Variants in NHS observed in about 807,000 individuals in gnomAD.
The protein encoded by NHS is actin remodeling regulator NHS.
Under a neutral mutation model 72.5 loss-of-function variants are expected in NHS, and 5 were observed. The ratio of observed to expected loss-of-function variants is 0.07; its 90% confidence interval spans 0.04 to 0.14. The LOEUF (loss-of-function observed/expected upper bound fraction) is 0.14, where lower values mean the gene tolerates loss of function less well. Among genes scored for constraint, NHS ranks in the 10% least tolerant of loss-of-function variants. The pLI, the probability that NHS is intolerant of heterozygous loss-of-function variation, is 1.00. For synonymous variants in NHS, 464 were observed against 547.7 expected, an observed-to-expected ratio of 0.85 and a Z score of 2.13; for missense variants, 1,072 against 1,355.7, an observed-to-expected ratio of 0.79 and a Z score of 3.29.
intron 1 of NHS, among the ~76,000 whole-genome samples, chrX:17,419,309 A>G (rs762358323): frequency 3.6e-5 from 4 of 112,481 alleles, no homozygotes; most frequent in African/African-American, 1.3e-4. Flanking sequence ...AAAATTCTCA[A>G]TTGAAACATT....
intron 1 of NHS, among the ~76,000 whole-genome samples, chrX:17,569,696 G>A (rs1023877719): frequency 9.0e-6 from 1 of 111,549 alleles, no homozygotes; most frequent in South Asian, 3.7e-4. Flanking sequence ...GTCAATTTTG[G>A]CTTTTGTTGC....
intron 1 of NHS, among the ~76,000 whole-genome samples, chrX:17,683,127 C>T (rs746360198): frequency 8.9e-6 from 1 of 112,355 alleles, no homozygotes; most frequent in Non-Finnish European, 1.9e-5. Flanking sequence ...GAACTAAGAT[C>T]AGTCTATAAA....
chrX:17,405,945 G>A (rs1270256844), intron 1 of NHS, among the ~76,000 whole-genome samples: 1 of 112,445 alleles, frequency 8.9e-6, no homozygotes, highest in Non-Finnish European at 1.9e-5. Context: ...AGTTCCCTAT[G>A]GGTGGAAGAG....
intron 1 of NHS, among the ~76,000 whole-genome samples, chrX:17,597,360 C>G (rs1437610186): frequency 2.8e-5 from 3 of 108,747 alleles, no homozygotes; most frequent in Non-Finnish European, 5.7e-5. Context: ...CTCCTGACCT[C>G]GTGATCCGCC....
chrX:17,727,286 A>G lies in NHS; in HGVS notation c.3180A>G (p.Lys1060=), dbSNP rs375497049. The G allele has an allele frequency of 5.0e-5, 60 of 1,210,197 alleles. No homozygotes were observed. Among genetic ancestry groups the G allele is most frequent in the Non-Finnish European group, 6.7e-5 (60 of 895,126 alleles). The change falls in exon 7 of 9, where the codon AAA becomes AAG. Residue 1060 remains lysine, a synonymous_variant. Coordinates refer to ENST00000676302, the MANE Select transcript of NHS (RefSeq NM_001291867.2). ...SKRKPKVPER[K]SSLQQPSLKD... ...GAAAACCTAAAGTCCCAGAAAGAAA[A>G]TCCTCACTACAGCAACCCTCTTTAA...
chrX:17,408,055 G>T (rs768160567), intron 1 of NHS, among the ~76,000 whole-genome samples: 3 of 111,242 alleles, frequency 2.7e-5, no homozygotes, highest in Non-Finnish European at 3.8e-5. Flanking sequence ...TGTCACCCAG[G>T]CTGGAGTACA....
chrX:17,712,452 A>G (rs2066340879), intron 3 of NHS, among the ~76,000 whole-genome samples: 1 of 102,754 alleles, frequency 9.7e-6, no homozygotes, highest in Non-Finnish European at 2.0e-5. Context: ...AAGTGGTGAT[A>G]GCTATATCTC....
intron 1 of NHS, among the ~76,000 whole-genome samples, chrX:17,662,382 T>G (rs2065986862): frequency 8.9e-6 from 1 of 112,128 alleles, no homozygotes; most frequent in African/African-American, 3.2e-5. Flanking sequence ...TATTTTGTGT[T>G]TTTTTAGGGG....
At chrX:17,460,900 A>G (rs1348923538) in intron 1 of NHS, among the ~76,000 whole-genome samples, 2 of 112,107 alleles carry the variant, frequency 1.8e-5, no homozygotes, top group Admixed American at 1.9e-4. Context: ...TTGAGGGGTA[A>G]CGATTCAAGC....
At position 17,688,229 on chromosome X, in the gene NHS, G is replaced by A. The variant is rs754784958; in HGVS notation, c.718+335G>A. ...TCTGCACTTGTCAAAAGCAAGTCTG[G>A]ATTAAGTACAGACCTTCAGAAACTA... On this transcript the variant is annotated intron_variant, in intron 2 of 8. Transcript: ENST00000676302. Among the ~76,000 whole-genome samples, 6 of 112,013 alleles carry A rather than the reference G, an allele frequency of 5.4e-5. No homozygotes were observed. In the East Asian group the frequency reaches 1.4e-3, roughly 26 times the overall value.
chrX:17,519,915 A>G (rs1234467950), intron 1 of NHS, among the ~76,000 whole-genome samples: 1 of 110,124 alleles, frequency 9.1e-6, no homozygotes, highest in African/African-American at 3.3e-5. Flanking sequence ...TTGCCTCTTA[A>G]TCTCTCAATT....
chrX:17,620,141 C>G (rs2065765798), intron 1 of NHS, among the ~76,000 whole-genome samples: 1 of 111,756 alleles, frequency 8.9e-6, no homozygotes, highest in African/African-American at 3.3e-5. Flanking sequence ...GTAAGGCAGG[C>G]TGTATTTTTT....
chrX:17,574,100 C>G (rs1015611258), intron 1 of NHS, among the ~76,000 whole-genome samples: 1 of 111,466 alleles, frequency 9.0e-6, no homozygotes, highest in African/African-American at 3.3e-5. Flanking sequence ...CTGTTGGCCT[C>G]TACTGGGAGG....
At chrX:17,716,321 T>C (rs2147133095) in intron 3 of NHS, among the ~76,000 whole-genome samples, 1 of 112,514 alleles carries the variant, frequency 8.9e-6, no homozygotes, top group Non-Finnish European at 1.9e-5. Context: ...CCATAATTTA[T>C]GTATTAACAT....
chrX:17,448,286 C>A lies in NHS; in HGVS notation c.565+71964C>A, dbSNP rs146362049. Among the ~76,000 whole-genome samples, 210 of 112,365 alleles carry A rather than the reference C, an allele frequency of 1.9e-3. 3 individuals carry two copies. The highest frequency in any genetic ancestry group is 6.4e-3 in the African/African-American group (197 of 30,981). On this transcript the variant is annotated intron_variant, in intron 1 of 8. Transcript: ENST00000676302. Reference sequence around the variant, plus strand: ...CTTTAGAGCCAAGGACATCTTGATACTACCTAATGCCACTTCCCTATTTCT... The same window carrying A: ...CTTTAGAGCCAAGGACATCTTGATAATACCTAATGCCACTTCCCTATTTCT...
chrX:17,383,387 A>G (rs1601681948), intron 1 of NHS, among the ~76,000 whole-genome samples: 1 of 111,805 alleles, frequency 8.9e-6, no homozygotes, highest in South Asian at 3.8e-4. Context: ...AGAACACTCT[A>G]TAGTGTGTGT....
intron 1 of NHS, among the ~76,000 whole-genome samples, chrX:17,454,554 A>G (rs1005185906): frequency 4.4e-5 from 5 of 112,422 alleles, no homozygotes; most frequent in African/African-American, 1.6e-4. Flanking sequence ...CACTTGGTGA[A>G]AAGAACTCAA....
intron 1 of NHS, among the ~76,000 whole-genome samples, chrX:17,630,968 T>A (rs1004668424): frequency 8.9e-6 from 1 of 112,237 alleles, no homozygotes; most frequent in Non-Finnish European, 1.9e-5. Context: ...GTAATTTTAA[T>A]GCAGCTAGTC....
intron 1 of NHS, among the ~76,000 whole-genome samples, chrX:17,604,377 C>T (rs1016081655): frequency 8.9e-6 from 1 of 112,188 alleles, no homozygotes; most frequent in Admixed American, 9.5e-5. Flanking sequence ...CATTATAACT[C>T]TCTCAAAGAG....
Sources: gnomAD v4.1 joint callset for allele counts (sites outside exome capture counted in the v4.1 genomes callset) on GRCh38, gnomAD v4.1.1 for gene constraint, MANE v1.5 for transcripts, NCBI Gene and HGNC (gene_info 2026-07-23, HGNC 2026-07-21) for gene names.